Variants in RFC3 observed in about 807,000 individuals in gnomAD.
RFC3 encodes replication factor C subunit 3.
In RFC3, 41 loss-of-function variants were observed where a neutral mutation model predicts 45.1. That is an observed-to-expected ratio of 0.91 (90% CI 0.71 to 1.18). The LOEUF is 1.18. Among genes scored for constraint, RFC3 ranks in the 50% most tolerant of loss-of-function variants. RFC3 has a pLI of 0.00. For missense variants in RFC3, 423 were observed against 428.1 expected (o/e 0.99, Z 0.10); for synonymous variants, 149 against 144.0 (o/e 1.03, Z -0.25).
chr13:33,942,720 C>T (rs1302590729), intron 8 of RFC3, among the ~76,000 whole-genome samples: 1 of 152,094 alleles, frequency 6.6e-6, no homozygotes, highest in African/African-American at 2.4e-5. Context: ...TTCATAGATC[C>T]TCCTGCTATT....
At chr13:33,917,581 A>C in intron 8 of RFC3, among the ~76,000 whole-genome samples, 1 of 152,014 alleles carries the variant, frequency 6.6e-6, no homozygotes, top group Non-Finnish European at 1.5e-5. Context: ...TCAACCCTCC[A>C]CATGCTGGGC....
intron 8 of RFC3, among the ~76,000 whole-genome samples, chr13:33,890,301 GT>G (rs2082555564): frequency 6.6e-6 from 1 of 152,110 alleles, no homozygotes; most frequent in Non-Finnish European, 1.5e-5. Flanking sequence ...TTTTCCATTT[GT>G]GCTGATGATC....
intron 8 of RFC3, among the ~76,000 whole-genome samples, chr13:33,859,232 T>C (rs1464471115): frequency 6.6e-6 from 1 of 152,152 alleles, no homozygotes; most frequent in Non-Finnish European, 1.5e-5. Flanking sequence ...TCTAAATCTG[T>C]GTATCGTCTT....
At chr13:33,918,452 A>C (rs1014055399) in intron 8 of RFC3, among the ~76,000 whole-genome samples, 2 of 152,134 alleles carry the variant, frequency 1.3e-5, no homozygotes, top group African/African-American at 4.8e-5. Context: ...AGCACATGTA[A>C]CATAATACCT....
In RFC3 at chr13:33,829,815, TTTTG is replaced by T; in HGVS notation, c.392-17_392-14del. 6.2e-7 allele frequency: 1 copy of T among 1,606,336 alleles called. No individual in the cohort carries two copies. The highest frequency in any genetic ancestry group is 8.5e-7 in the Non-Finnish European group (1 of 1,173,008). ...TTGAGTGAACTCAAGTTAAAGTTTG[TTTTG>T]TTTCTCTTTGACTCAGTGGTATTAT... On this transcript the variant is annotated splice_polypyrimidine_tract_variant and intron_variant, in intron 4 of 8. Transcript: ENST00000380071.
chr13:33,837,295 T>G lies in RFC3; in HGVS notation c.*1000T>G, dbSNP rs2082164120. ...GATGAGTTTTGCCAGTTCAAGAATT[T>G]AATGGAATCAGATATTGTAAGCATT... is the stretch of plus-strand genomic sequence containing the variant. On this transcript the variant is annotated 3_prime_UTR_variant, in exon 9 of 9. Transcript: ENST00000380071. 1 of 152,264 alleles carries G rather than the reference T, an allele frequency of 6.6e-6. No individual in the cohort carries two copies. The highest frequency in any genetic ancestry group is 1.5e-5 in the Non-Finnish European group (1 of 68,118). The allele number at this position is 152,264 out of a possible 1,614,324, so 9.4% of individuals were successfully genotyped here.
intron 8 of RFC3, among the ~76,000 whole-genome samples, chr13:33,870,972 T>C (rs1368215754): frequency 6.6e-6 from 1 of 152,154 alleles, no homozygotes; most frequent in Non-Finnish European, 1.5e-5. Flanking sequence ...TCTCTGTGCT[T>C]TTCACACTGT....
At chr13:33,961,172 G>A (rs536187126) in intron 8 of RFC3, among the ~76,000 whole-genome samples, 36 of 152,124 alleles carry the variant, frequency 2.4e-4, no homozygotes, top group African/African-American at 8.2e-4. Context: ...TGGCCACCCC[G>A]CCTATTACAC....
chr13:33,833,465 T>C (rs1188819855), intron 7 of RFC3, among the ~76,000 whole-genome samples: 1 of 152,154 alleles, frequency 6.6e-6, no homozygotes, highest in Admixed American at 6.5e-5. Context: ...CATGTTTCTC[T>C]GACAGAAGAG....
intron 8 of RFC3, among the ~76,000 whole-genome samples, chr13:33,890,224 A>G (rs762983153): frequency 4.6e-5 from 7 of 152,164 alleles, no homozygotes; most frequent in Non-Finnish European, 1.0e-4. Flanking sequence ...TGTCACCTCA[A>G]TAGAACTATT....
chr13:33,957,506 T>C (rs909203973), intron 8 of RFC3, among the ~76,000 whole-genome samples: 2 of 152,188 alleles, frequency 1.3e-5, no homozygotes, highest in Non-Finnish European at 2.9e-5. Context: ...GTACCACTTA[T>C]GACTACTGAA....
At chr13:33,882,931 T>G (rs963847127) in intron 8 of RFC3, among the ~76,000 whole-genome samples, 1 of 152,222 alleles carries the variant, frequency 6.6e-6, no homozygotes, top group African/African-American at 2.4e-5. Flanking sequence ...AAGTTGATGT[T>G]TGTGTCCATT....
chr13:33,840,709 CAAA>C (rs554564438), downstream of RFC3, among the ~76,000 whole-genome samples: 4,500 of 56,126 alleles, frequency 0.08, 127 homozygotes, highest in South Asian at 0.1. Context: ...TTTCAATAAA[CAAA>C]AAATTTTTTT....
chr13:33,936,280 A>C (rs1050418418), intron 8 of RFC3, among the ~76,000 whole-genome samples: 11 of 152,108 alleles, frequency 7.2e-5, no homozygotes, highest in African/African-American at 2.7e-4. Context: ...TTGGGAGACA[A>C]GACCGTTAAC....
chr13:33,882,671 G>A (rs1336949708), intron 8 of RFC3, among the ~76,000 whole-genome samples: 1 of 152,168 alleles, frequency 6.6e-6, no homozygotes, highest in Non-Finnish European at 1.5e-5. Flanking sequence ...GTAAATGTTT[G>A]TGGTTTAAGC....
chr13:33,854,618 C>T (rs147289842), intron 8 of RFC3, among the ~76,000 whole-genome samples: 15 of 152,118 alleles, frequency 9.9e-5, no homozygotes, highest in African/African-American at 3.4e-4. Flanking sequence ...TGGAAATAGC[C>T]CCTGTGGCAC....
chr13:33,911,097 A>G (rs1353495383), intron 8 of RFC3, among the ~76,000 whole-genome samples: 1 of 152,122 alleles, frequency 6.6e-6, no homozygotes, highest in Non-Finnish European at 1.5e-5. Context: ...GCACTGAAGA[A>G]GAAAGGTTTT....
intron 8 of RFC3, among the ~76,000 whole-genome samples, chr13:33,903,648 T>C (rs2082654839): frequency 1.3e-5 from 2 of 152,046 alleles, no homozygotes; most frequent in African/African-American, 4.8e-5. Context: ...ACCAAGAAAA[T>C]GCCTCTATGT....
At chr13:33,923,797 A>G (rs1274263716) in intron 8 of RFC3, among the ~76,000 whole-genome samples, 1 of 152,102 alleles carries the variant, frequency 6.6e-6, no homozygotes, top group Non-Finnish European at 1.5e-5. Context: ...TTCCTGGCCC[A>G]TTCTACACCA....
Sources: allele counts gnomAD v4.1 joint callset (sites outside exome capture counted in the v4.1 genomes callset), GRCh38; gene constraint gnomAD v4.1.1; transcripts MANE v1.5; gene names NCBI Gene and HGNC (gene_info 2026-07-23, HGNC 2026-07-21).